Variants in PSMA1 observed in about 807,000 individuals in gnomAD.
PSMA1 encodes proteasome 20S subunit alpha 1.
A neutral mutation model predicts 38.4 loss-of-function variants in PSMA1; 3 were observed. The ratio of observed to expected loss-of-function variants is 0.08; its 90% confidence interval spans 0.04 to 0.20. The LOEUF (loss-of-function observed/expected upper bound fraction) is 0.20. PSMA1 is among the 10% of genes least tolerant of loss of function. The pLI, the probability that PSMA1 is intolerant of heterozygous loss-of-function variation, is 1.00. For missense variants in PSMA1, 227 were observed against 325.3 expected (o/e 0.70, Z 2.32); for synonymous variants, 101 against 107.1 (o/e 0.94, Z 0.35).
At chr11:14,517,087 TA>T (rs1851442402) in intron 4 of PSMA1, among the ~76,000 whole-genome samples, 1 of 152,204 alleles carries the variant, frequency 6.6e-6, no homozygotes. Context: ...TATTGCCTTT[TA>T]ACCATAAATA....
At chr11:14,528,188 A>G (rs1851607210) in intron 2 of PSMA1, among the ~76,000 whole-genome samples, 1 of 152,144 alleles carries the variant, frequency 6.6e-6, no homozygotes, top group Non-Finnish European at 1.5e-5. Context: ...GTATATGACA[A>G]CATAAAAAAA....
chr11:14,538,478 G>A (rs765887635), intron 2 of PSMA1, among the ~76,000 whole-genome samples: 1 of 152,206 alleles, frequency 6.6e-6, no homozygotes, highest in South Asian at 2.1e-4. Flanking sequence ...TGCCTTTTCA[G>A]CTGGTCTTGG....
rs1041233353 is a variant in PSMA1 at position 14,547,546 on chromosome 11, T to A, written c.22-28505A>T. Among the ~76,000 whole-genome samples the A allele has an allele frequency of 4.6e-5, 7 of 152,066 alleles. No homozygotes were observed. In the South Asian group the frequency reaches 1.2e-3, roughly 27 times the overall value. On this transcript the variant is annotated intron_variant, in intron 2 of 10. Coordinates refer to the PSMA1 transcript ENST00000418988. ...AGGGAACTGGGAGTGCAGTAAAAAA[T>A]GGATAGGAACTGGGGAGGGTCCAGA...
At chr11:14,512,360 G>A (rs1851358751) in intron 7 of PSMA1, among the ~76,000 whole-genome samples, 1 of 150,634 alleles carries the variant, frequency 6.6e-6, no homozygotes. Flanking sequence ...GGCAAAAACA[G>A]TGAAACCCCG....
intron 2 of PSMA1, among the ~76,000 whole-genome samples, chr11:14,525,923 C>T (rs1851581077): frequency 6.6e-6 from 1 of 152,182 alleles, no homozygotes; most frequent in Non-Finnish European, 1.5e-5. Flanking sequence ...ATATTGATGA[C>T]CTTCTACTTT....
At chr11:14,599,573 T>A (rs1253186517) in intron 2 of PSMA1, among the ~76,000 whole-genome samples, 1 of 152,236 alleles carries the variant, frequency 6.6e-6, no homozygotes, top group Non-Finnish European at 1.5e-5. Context: ...TCTCGTACCA[T>A]GGTTTTCAGC....
intron 2 of PSMA1, among the ~76,000 whole-genome samples, chr11:14,605,301 C>T (rs945353105): frequency 5.3e-5 from 8 of 152,100 alleles, no homozygotes; most frequent in African/African-American, 2.4e-5. Context: ...CTGAGGATAG[C>T]GATGTGGAGC....
chr11:14,610,854 A>T, intron 2 of PSMA1: 1 of 1,078,992 alleles, frequency 9.3e-7, no homozygotes, highest in Non-Finnish European at 1.4e-6. Context: ...TTTCTAGCCT[A>T]GAGATGCGTT....
At position 14,640,919 on chromosome 11, in the gene PSMA1, A is replaced by G. The variant is rs141022692; in HGVS notation, c.-166+2536T>C. On this transcript the variant is annotated intron_variant, in intron 1 of 10. Transcript: ENST00000418988. ...AGACCACTTTATCCTGAGAAATTAGAAAAAAAGAAATACCCAGGGGCTTGC... is the reference window on the plus strand; with the variant it reads ...AGACCACTTTATCCTGAGAAATTAGGAAAAAAGAAATACCCAGGGGCTTGC... 5.3e-5 allele frequency among the ~76,000 whole-genome samples: 8 copies of G among 152,238 alleles called. No individual in the cohort carries two copies. The East Asian group carries it at 1.2e-3, about 22-fold the overall frequency.
At chr11:14,617,802 C>G (rs1852794784) in intron 1 of PSMA1, among the ~76,000 whole-genome samples, 1 of 151,812 alleles carries the variant, frequency 6.6e-6, no homozygotes, top group African/African-American at 2.4e-5. Flanking sequence ...TTTACTGAAA[C>G]TGGAATCAGG....
At chr11:14,623,950 G>A (rs79437470) in intron 1 of PSMA1, among the ~76,000 whole-genome samples, 1 of 152,218 alleles carries the variant, frequency 6.6e-6, no homozygotes, top group African/African-American at 2.4e-5. Context: ...GTACAGGCTT[G>A]TCTTTCCTGA....
At position 14,562,879 on chromosome 11, in the gene PSMA1, T is replaced by C. The variant is rs534546054; in HGVS notation, c.22-43838A>G. Among the ~76,000 whole-genome samples the C allele has an allele frequency of 2.4e-3, 361 of 152,282 alleles. 3 individuals are homozygous for C. Among genetic ancestry groups the C allele is most frequent in the African/African-American group, 8.2e-3 (342 of 41,550 alleles). On this transcript the variant is annotated intron_variant, in intron 2 of 10. Coordinates refer to the PSMA1 transcript ENST00000418988. ...GAGCCACCGGGCCTGGCTGTATTCA[T>C]GAGCATTTTACAATTATTATGTCAA...
At chr11:14,598,008 C>T (rs991406224) in intron 2 of PSMA1, among the ~76,000 whole-genome samples, 2 of 152,018 alleles carry the variant, frequency 1.3e-5, no homozygotes, top group African/African-American at 4.8e-5. Flanking sequence ...CGTTATTTAC[C>T]CAGTAGTCAC....
intron 2 of PSMA1, among the ~76,000 whole-genome samples, chr11:14,565,407 T>C (rs962845244): frequency 6.6e-6 from 1 of 152,222 alleles, no homozygotes; most frequent in African/African-American, 2.4e-5. Context: ...CCCTTTGTTA[T>C]ATTTCCTTCA....
At chr11:14,544,568 C>G (rs1851806131) in intron 2 of PSMA1, among the ~76,000 whole-genome samples, 1 of 152,048 alleles carries the variant, frequency 6.6e-6, no homozygotes, top group South Asian at 2.1e-4. Flanking sequence ...CCAATAAGCC[C>G]ATAGAAGATG....
At chr11:14,565,101 A>C (rs1184999924) in intron 2 of PSMA1, among the ~76,000 whole-genome samples, 1 of 152,012 alleles carries the variant, frequency 6.6e-6, no homozygotes, top group Non-Finnish European at 1.5e-5. Context: ...CAAATGATCT[A>C]TTTCATATTG....
chr11:14,575,420 C>T (rs11529565), intron 2 of PSMA1, among the ~76,000 whole-genome samples: 17,714 of 151,478 alleles, frequency 0.12, 1,251 homozygotes, highest in African/African-American at 0.2. Flanking sequence ...TACCCCCACC[C>T]CACCTCAGGC....
chr11:14,507,687 C>T lies in PSMA1; in HGVS notation c.704G>A (p.Gly235Asp). The T allele has an allele frequency of 1.9e-6, 3 of 1,611,872 alleles. No homozygotes were observed. Among genetic ancestry groups the T allele is most frequent in the Non-Finnish European group, 2.5e-6 (3 of 1,178,438 alleles). The change falls in exon 9 of 10, where the codon GGT (glycine) becomes GAT (aspartate). Residue 235 changes from glycine (G) to aspartate (D), a missense_variant. Gly to Asp is a moderately conservative substitution (Grantham distance 94). Transcript: ENST00000396394. ...DDDDVSPFLE[G>D]LEERPQRKAQ... is the part of the protein sequence containing the mutation. ...CTTTCTCTGTGGTCTTTCTTCAAGACCTTCCAGGAATGGAGACACATCATC... is the reference window on the plus strand; with the variant it reads ...CTTTCTCTGTGGTCTTTCTTCAAGATCTTCCAGGAATGGAGACACATCATC...
intron 2 of PSMA1, among the ~76,000 whole-genome samples, chr11:14,539,906 G>T (rs1488993282): frequency 1.3e-5 from 2 of 151,670 alleles, no homozygotes; most frequent in Non-Finnish European, 2.9e-5. Flanking sequence ...GAAGATAAAG[G>T]ATAAAAAAAT....
Sources: allele counts gnomAD v4.1 joint callset (sites outside exome capture counted in the v4.1 genomes callset), GRCh38; gene constraint gnomAD v4.1.1; transcripts MANE v1.5; gene names NCBI Gene and HGNC (gene_info 2026-07-23, HGNC 2026-07-21).